Variants in CTDSPL observed in about 807,000 individuals in gnomAD.
The protein encoded by CTDSPL is CTD small phosphatase-like protein.
CTDSPL carries 8 observed loss-of-function variants against 30.5 expected under a neutral mutation model. The observed-to-expected ratio is 0.26, with a 90% CI of 0.15 to 0.47. CTDSPL has a LOEUF of 0.47. Ranked by LOEUF, CTDSPL falls within the 20% of genes least tolerant of loss-of-function variation. The pLI is 0.99. For synonymous variants in CTDSPL, 110 were observed against 137.9 expected (o/e 0.80, Z 1.42); for missense variants, 248 against 366.1 (o/e 0.68, Z 2.63).
intron 1 of CTDSPL, among the ~76,000 whole-genome samples, chr3:37,935,168 A>G (rs1240226465): frequency 2.0e-5 from 3 of 152,220 alleles, no homozygotes; most frequent in Non-Finnish European, 2.9e-5. Context: ...GTTTGCATGA[A>G]TACTTCATAG....
At chr3:37,976,075 G>C (rs978975548) in intron 7 of CTDSPL, among the ~76,000 whole-genome samples, 181 bp downstream of exon 7, 1 of 152,128 alleles carries the variant, frequency 6.6e-6, no homozygotes, top group Non-Finnish European at 1.5e-5. Context: ...CTGAGCCTCG[G>C]TTGCCTCATC....
At chr3:37,964,714 G>A (rs1195183905) in intron 4 of CTDSPL, 42 bp downstream of exon 4, 3 of 1,443,332 alleles carry the variant, frequency 2.1e-6, no homozygotes, top group Non-Finnish European at 2.9e-6. Context: ...TTTGTGATTT[G>A]ATAACAATTG....
At chr3:37,900,408 G>A (rs567297621) in intron 1 of CTDSPL, among the ~76,000 whole-genome samples, 9 of 152,304 alleles carry the variant, frequency 5.9e-5, no homozygotes, top group African/African-American at 2.2e-4. Flanking sequence ...AATATTTATA[G>A]GAGTTAGTAA....
At chr3:37,908,914 T>G in intron 1 of CTDSPL, among the ~76,000 whole-genome samples, 1 of 152,252 alleles carries the variant, frequency 6.6e-6, no homozygotes, top group East Asian at 1.9e-4. Context: ...CATATTGCTG[T>G]TGGAGTGGTC....
chr3:37,939,265 C>A (rs1248957259), intron 1 of CTDSPL, among the ~76,000 whole-genome samples: 5 of 150,084 alleles, frequency 3.3e-5, no homozygotes, highest in African/African-American at 1.2e-4. Flanking sequence ...TTCACTGTGC[C>A]CATACAATAG....
In CTDSPL at chr3:37,862,334, T is replaced by C; in HGVS notation, c.79+56T>C. 7.2e-7 allele frequency: 1 copy of C among 1,380,894 alleles called. No individual in the cohort carries two copies. The highest frequency in any genetic ancestry group is 9.4e-7 in the Non-Finnish European group (1 of 1,061,124). The allele number at this position is 1,380,894 out of a possible 1,614,324, so 85.5% of individuals were successfully genotyped here. On this transcript the variant is annotated intron_variant, in intron 1 of 7. Coordinates refer to ENST00000273179, the MANE Select transcript of CTDSPL (RefSeq NM_001008392.2). The surrounding 1 kb of genome is among the most constrained non-coding windows in gnomAD (Gnocchi z 4.3). ...GGGGCGAGCGCACACCCCGCGCCGCTGGAGTTCACTGCCGGGCGCCGGCAT... is the reference window on the plus strand; with the variant it reads ...GGGGCGAGCGCACACCCCGCGCCGCCGGAGTTCACTGCCGGGCGCCGGCAT...
intron 2 of CTDSPL, among the ~76,000 whole-genome samples, chr3:37,950,322 A>T (rs1239519358): frequency 1.3e-5 from 2 of 152,246 alleles, no homozygotes; most frequent in Non-Finnish European, 2.9e-5. Context: ...TGCAGCCTCC[A>T]CTGAGAAAGT....
chr3:37,906,761 G>A (rs1698520380), intron 1 of CTDSPL, among the ~76,000 whole-genome samples: 1 of 152,168 alleles, frequency 6.6e-6, no homozygotes, highest in African/African-American at 2.4e-5. Context: ...GAGAGGGTAA[G>A]GGACAATCCC....
chr3:37,906,257 C>T (rs1003622535), intron 1 of CTDSPL, among the ~76,000 whole-genome samples: 1 of 152,094 alleles, frequency 6.6e-6, no homozygotes, highest in Non-Finnish European at 1.5e-5. Context: ...GTGGCATCAC[C>T]AAAGGTCTGG....
In CTDSPL at chr3:37,862,518, G is replaced by C. The variant is rs1697955052; in HGVS notation, c.79+240G>C. Among the ~76,000 whole-genome samples the C allele has an allele frequency of 6.6e-6, 1 of 152,134 alleles. No homozygotes were observed. Among genetic ancestry groups the C allele is most frequent in the South Asian group, 2.1e-4 (1 of 4,830 alleles). The stretch of plus-strand genomic sequence containing the variant: ...AGCGAGTGTGTGTGCATCTAACCGG[G>C]AGGTTGTGAGTTTGTGTGCGCGCAC... On this transcript the variant is annotated intron_variant, in intron 1 of 7. Transcript: ENST00000273179. The surrounding 1 kb of genome is among the most constrained non-coding windows in gnomAD (Gnocchi z 4.3).
intron 1 of CTDSPL, among the ~76,000 whole-genome samples, chr3:37,916,550 G>A (rs1466715110): frequency 6.6e-6 from 1 of 152,108 alleles, no homozygotes; most frequent in African/African-American, 2.4e-5. Context: ...ACACACATAG[G>A]GAGAAGATGA....
At chr3:37,882,287 A>G (rs1317000284) in intron 1 of CTDSPL, among the ~76,000 whole-genome samples, 1 of 151,942 alleles carries the variant, frequency 6.6e-6, no homozygotes, top group Non-Finnish European at 1.5e-5. Context: ...CTAAAAATAC[A>G]AAAAATTAGC....
intron 1 of CTDSPL, among the ~76,000 whole-genome samples, chr3:37,904,109 G>A (rs1402164975): frequency 6.6e-6 from 1 of 152,202 alleles, no homozygotes; most frequent in African/African-American, 2.4e-5. Flanking sequence ...AATTCTATAG[G>A]ATAAAGTTGG....
At chr3:37,943,514 T>A (rs967533624) in intron 1 of CTDSPL, among the ~76,000 whole-genome samples, 2 of 150,472 alleles carry the variant, frequency 1.3e-5, no homozygotes, top group Admixed American at 6.7e-5. Flanking sequence ...CTCCTAAGTC[T>A]GATTTTTAAA....
At chr3:37,883,890 CTT>C (rs1274296612) in intron 1 of CTDSPL, among the ~76,000 whole-genome samples, 2 of 152,126 alleles carry the variant, frequency 1.3e-5, no homozygotes, top group South Asian at 2.1e-4. Flanking sequence ...AAAATATCCT[CTT>C]GTCTTTATAA....
rs1433470808 is a variant in CTDSPL at position 37,960,531 on chromosome 3, TATATACACAC to T, written c.267+3390_267+3399del. On this transcript the variant is annotated intron_variant, in intron 3 of 7. Transcript: ENST00000273179. ...ATATATATATATATATATATATATA[TATATACACAC>T]ACACACACACACACACACACACACA... 4.4e-3 allele frequency among the ~76,000 whole-genome samples: 208 copies of T among 47,266 alleles called. 1 individual carries two copies. Among genetic ancestry groups the T allele is most frequent in the Non-Finnish European group, 6.2e-3 (164 of 26,426 alleles). The allele number at this position is 47,266 out of a possible 152,430, so 31.0% of individuals were successfully genotyped here.
rs1699502108 is a variant in CTDSPL at position 37,982,394 on chromosome 3, TAAAGTATTGCTCTTA to T, written c.*1531_*1545del. On this transcript the variant is annotated 3_prime_UTR_variant, in exon 8 of 8. Transcript: ENST00000273179. ...CCTTGTTTGACAACAAGACAGTCTG[TAAAGTATTGCTCTTA>T]AAAACAATTAAAAAGAACCCTTTCA... 8.0e-6 allele frequency: 3 copies of T among 376,438 alleles called. No homozygotes were observed. In the Admixed American group the frequency reaches 9.8e-5, roughly 12 times the overall value. The allele number at this position is 376,438 out of a possible 1,614,324, so 23.3% of individuals were successfully genotyped here. A position where few individuals can be genotyped will look rare whatever the true frequency, so the allele number is the denominator to read the frequency against.
At chr3:37,968,159 C>T in intron 5 of CTDSPL, 1 of 460,112 alleles carries the variant, frequency 2.2e-6, no homozygotes, top group Non-Finnish European at 4.0e-6. Context: ...CCCCCACTGG[C>T]CTAGCTTGAT....
chr3:37,911,066 A>G (rs1352168225), intron 1 of CTDSPL, among the ~76,000 whole-genome samples: 1 of 152,262 alleles, frequency 6.6e-6, no homozygotes, highest in Admixed American at 6.5e-5. Context: ...CTTACAAAAA[A>G]CAAACAAAAA....
Sources: gnomAD v4.1 joint callset for allele counts (sites outside exome capture counted in the v4.1 genomes callset) on GRCh38, gnomAD v4.1.1 for gene constraint, Gnocchi (gnomAD v3.1) non-coding constraint, MANE v1.5 for transcripts, NCBI Gene and HGNC (gene_info 2026-07-23, HGNC 2026-07-21) for gene names.